Variants in SYTL2 observed in about 807,000 individuals in gnomAD.
The protein encoded by SYTL2 is synaptotagmin like 2, also known as synaptotagmin-like protein 2.
In SYTL2, 165 loss-of-function variants were observed where a neutral mutation model predicts 198.7. The ratio of observed to expected loss-of-function variants is 0.83; its 90% CI spans 0.73 to 0.94. The LOEUF (loss-of-function observed/expected upper bound fraction) is 0.94, where lower values mean the gene tolerates loss of function less well. Among genes scored for constraint, SYTL2 ranks in the 40% least tolerant of loss-of-function variants. The probability of loss-of-function intolerance (pLI) is 0.00; values close to 1 mark genes in which losing one functional copy is unlikely to be tolerated. For synonymous variants in SYTL2, 966 were observed against 917.7 expected (o/e 1.05, Z -0.95); for missense variants, 2,835 against 2,582.8 (o/e 1.10, Z -2.12).
the SYTL2 span, among the ~76,000 whole-genome samples, chr11:85,826,569 GGCTGT>G: frequency 6.6e-6 from 1 of 152,226 alleles, no homozygotes; most frequent in Non-Finnish European, 1.5e-5. Flanking sequence ...AGCTAAAACA[GGCTGT>G]GCTGGTCTAG....
Position 85,725,207 on chromosome 11 carries a change from C to T in SYTL2, c.4151G>A (p.Ser1384Asn). The stretch of plus-strand genomic sequence containing the variant: ...ACCTACTTCCCTTCCAGCTGGATAA[C>T]TTAACCATACTTCTCCACACAGCTT... ...LQKLCGEVWLSYPAGREVGPG... is the reference protein window; with the variant it reads ...LQKLCGEVWLNYPAGREVGPG... Residue 1384 changes from serine (S) to asparagine (N), a missense_variant, in exon 8 of 20, where the codon AGT (serine) becomes AAT (asparagine). This residue lies in a region of SYTL2 where 2,645 missense variants were observed against 2,381.7 expected (regional missense o/e 1.11). Transcript: ENST00000359152. 1 of 1,614,144 alleles carries T rather than the reference C, an allele frequency of 6.2e-7. No homozygotes were observed. Among genetic ancestry groups the T allele is most frequent in the Non-Finnish European group, 8.5e-7 (1 of 1,180,006 alleles).
At chr11:85,735,639 C>A (rs2090266287) in intron 6 of SYTL2, among the ~76,000 whole-genome samples, 1 of 152,040 alleles carries the variant, frequency 6.6e-6, no homozygotes, top group Non-Finnish European at 1.5e-5. Context: ...CGCCTGTAGT[C>A]CCAGCTACTC....
chr11:85,719,353 C>T (rs2087896504), intron 9 of SYTL2: 9 of 1,138,774 alleles, frequency 7.9e-6, no homozygotes, highest in Non-Finnish European at 9.8e-6. Context: ...GAGTGGGTAT[C>T]AGTATTTGGA....
At chr11:85,737,880 AG>A (rs2090476146) in intron 4 of SYTL2, among the ~76,000 whole-genome samples, 1 of 152,230 alleles carries the variant, frequency 6.6e-6, no homozygotes, top group Non-Finnish European at 1.5e-5. Flanking sequence ...GGCTCCCTCC[AG>A]AACCACCACA....
upstream of SYTL2, among the ~76,000 whole-genome samples, chr11:85,811,763 GGA>G (rs2093037166): frequency 6.6e-6 from 1 of 152,206 alleles, no homozygotes; most frequent in African/African-American, 2.4e-5. Flanking sequence ...GTAAGCTCCT[GGA>G]AGACGCTGTG....
chr11:85,794,867 T>C (rs1045825914), intron 1 of SYTL2, among the ~76,000 whole-genome samples: 3 of 151,678 alleles, frequency 2.0e-5, no homozygotes, highest in African/African-American at 7.3e-5. Context: ...AGTAGATCCC[T>C]TCATCATTTT....
At chr11:85,732,852 G>A (rs1339609811) in intron 7 of SYTL2, among the ~76,000 whole-genome samples, 1 of 152,214 alleles carries the variant, frequency 6.6e-6, no homozygotes, top group Non-Finnish European at 1.5e-5. Flanking sequence ...GAAGATGGCA[G>A]AGGGTACACA....
At chr11:85,728,807 C>T (rs1336858795) in intron 7 of SYTL2, among the ~76,000 whole-genome samples, 1 of 152,106 alleles carries the variant, frequency 6.6e-6, no homozygotes, top group East Asian at 1.9e-4. Flanking sequence ...GGAATTTTAT[C>T]CACAATATTT....
At chr11:85,717,391 A>C (rs1316850580) in intron 11 of SYTL2, 92 bp downstream of exon 11, 2 of 1,084,838 alleles carry the variant, frequency 1.8e-6, no homozygotes, top group East Asian at 4.8e-5. Flanking sequence ...CCAATAATAA[A>C]TACTGTGTTA....
intron 1 of SYTL2, among the ~76,000 whole-genome samples, chr11:85,792,077 T>A (rs959281926): frequency 6.6e-6 from 1 of 151,622 alleles, no homozygotes; most frequent in Non-Finnish European, 1.5e-5. Flanking sequence ...CCAGTAAGAG[T>A]CACAGGAAGT....
In SYTL2 at chr11:85,734,258, A is replaced by G. The variant is rs1386004494; in HGVS notation, c.1071T>C (p.Phe357=). Residue 357 remains phenylalanine (F), a synonymous_variant, in exon 7 of 20, where the codon TTT becomes TTC. Coordinates refer to ENST00000359152, the MANE Select transcript of SYTL2 (RefSeq NM_206927.4). ...GLIHGREVGE[F]SVLESDRLKN... ...TCAATCTGTCAGATTCTAAAACACT[A>G]AATTCTCCTACTTCCCGACCATGGA... 1.2e-6 allele frequency: 2 copies of G among 1,614,080 alleles called. No homozygotes were observed. Among genetic ancestry groups the G allele is most frequent in the Non-Finnish European group, 1.7e-6 (2 of 1,180,022 alleles).
chr11:85,760,649 G>A (rs1364342266), intron 1 of SYTL2, among the ~76,000 whole-genome samples: 1 of 152,090 alleles, frequency 6.6e-6, no homozygotes, highest in Non-Finnish European at 1.5e-5. Flanking sequence ...TTCAAGGAGT[G>A]GTGGACAGGA....
intron 5 of SYTL2, among the ~76,000 whole-genome samples, chr11:85,737,323 G>C (rs992058589): frequency 6.6e-6 from 1 of 152,142 alleles, no homozygotes; most frequent in Non-Finnish European, 1.5e-5. Flanking sequence ...GCACCAAATA[G>C]CTTCAGACTT....
chr11:85,705,085 T>C, intron 15 of SYTL2, 57 bp from the exon 16 acceptor site: 3 of 1,395,122 alleles, frequency 2.2e-6, no homozygotes, highest in Admixed American at 1.8e-5. Context: ...GCCAAAGTTA[T>C]AACACAGAGA....
Position 85,811,134 on chromosome 11 carries a change from C to T in SYTL2, c.-570G>A, listed in dbSNP as rs1309671635. 1 of 152,164 alleles carries T rather than the reference C, an allele frequency of 6.6e-6. No individual in the cohort carries two copies. Among genetic ancestry groups the T allele is most frequent in the Non-Finnish European group, 1.5e-5 (1 of 68,036 alleles). 9.4% of individuals were successfully genotyped at this position (152,164 alleles called of 1,614,324 possible). A position where few individuals can be genotyped will look rare whatever the true frequency, so the allele number is the denominator to read the frequency against. On this transcript the variant is annotated 5_prime_UTR_variant, in exon 1 of 20. Coordinates refer to ENST00000359152, the MANE Select transcript of SYTL2 (RefSeq NM_206927.4). ...GCTGGCGGCACGGCCCGGGTGTCGC[C>T]CGGCACTGTCAACGCAGAGCGGCGT...
the SYTL2 span, among the ~76,000 whole-genome samples, chr11:85,821,363 A>G: frequency 6.6e-6 from 1 of 151,744 alleles, no homozygotes; most frequent in Non-Finnish European, 1.5e-5. Context: ...GAGTCAAAAA[A>G]GGGAAAGGTG....
chr11:85,772,439 G>A lies in SYTL2; in HGVS notation c.-389-14325C>T, dbSNP rs189157879. Among the ~76,000 whole-genome samples the A allele has an allele frequency of 3.3e-5, 5 of 152,242 alleles. No homozygotes were observed. In the East Asian group the frequency reaches 9.7e-4, roughly 29 times the overall value. On this transcript the variant is annotated intron_variant, in intron 1 of 19. Transcript: ENST00000359152. ...CTTGCTATCTATGAAGTCCTATAAGGTTGTATTACTAAATAAAAGGTGCTA... is the reference window on the plus strand; with the variant it reads ...CTTGCTATCTATGAAGTCCTATAAGATTGTATTACTAAATAAAAGGTGCTA...
chr11:85,727,321 T>C lies in SYTL2; in HGVS notation c.2037A>G (p.Ala679=). Residue 679 remains alanine, a synonymous_variant, in exon 8 of 20, where the codon GCA becomes GCG. Transcript: ENST00000359152. The part of the protein sequence containing the change: ...YSYSVLKESD[A]ENQVPCNTNN... ...TAGTGTTGCATGGAACTTGGTTTTC[T>C]GCATCAGATTCCTTGAGAACACTGT... is the stretch of plus-strand genomic sequence containing the variant. 6.5e-7 allele frequency: 1 copy of C among 1,535,960 alleles called. No individual in the cohort carries two copies. The highest frequency in any genetic ancestry group is 2.0e-5 in the Admixed American group (1 of 50,944).
At chr11:85,721,693 T>C (rs181247126) in intron 8 of SYTL2, among the ~76,000 whole-genome samples, 98 of 152,284 alleles carry the variant, frequency 6.4e-4, no homozygotes, top group Non-Finnish European at 2.9e-4. Flanking sequence ...CAATGAGTGA[T>C]TCGATTAAGG....
Sources: allele counts gnomAD v4.1 joint callset (sites outside exome capture counted in the v4.1 genomes callset), GRCh38; gene constraint gnomAD v4.1.1; regional missense constraint gnomAD v4.1.1; transcripts MANE v1.5; gene names NCBI Gene and HGNC (gene_info 2026-07-23, HGNC 2026-07-21).